Variants in FAAH observed in about 807,000 individuals in gnomAD.
FAAH encodes fatty acid amide hydrolase.
In FAAH, 63 loss-of-function variants were observed where a neutral mutation model predicts 69.7. The ratio of observed to expected loss-of-function variants is 0.90; its 90% CI spans 0.74 to 1.12. The LOEUF is 1.12. Ranked by LOEUF, FAAH falls within the 50% of genes most tolerant of loss-of-function variation. The pLI, the probability that FAAH is intolerant of heterozygous loss-of-function variation, is 0.00. For synonymous variants in FAAH, 305 were observed against 324.2 expected (o/e 0.94, Z 0.64); for missense variants, 680 against 755.0 (o/e 0.90, Z 1.16).
Position 46,413,040 on chromosome 1 carries a change from C to T in FAAH, c.1466-35C>T, listed in dbSNP as rs181231925. On this transcript the variant is annotated intron_variant, in intron 13 of 14. Coordinates refer to ENST00000243167, the MANE Select transcript of FAAH (RefSeq NM_001441.3). Reference sequence around the variant, plus strand: ...GCCCGGAGTTGGCACTGAAGATTCTCAGGGCCTGCTGCAGCTGCCTGTAAT... The same window carrying T: ...GCCCGGAGTTGGCACTGAAGATTCTTAGGGCCTGCTGCAGCTGCCTGTAAT... The T allele has an allele frequency of 3.2e-3, 5,229 of 1,613,432 alleles. 11 individuals carry two copies. The highest frequency in any genetic ancestry group is 3.8e-3 in the Non-Finnish European group (4,426 of 1,179,686).
At chr1:46,407,309 T>C (rs1664817634) in intron 7 of FAAH, among the ~76,000 whole-genome samples, 1 of 152,040 alleles carries the variant, frequency 6.6e-6, no homozygotes, top group Non-Finnish European at 1.5e-5. Context: ...ACATGGGGGT[T>C]GGTTAAGATT....
intron 8 of FAAH, among the ~76,000 whole-genome samples, 169 bp from the exon 9 acceptor site, chr1:46,408,932 G>T (rs139512550): frequency 6.6e-6 from 1 of 152,296 alleles, no homozygotes; most frequent in Non-Finnish European, 1.5e-5. Flanking sequence ...CTCATGCTGT[G>T]CATTCCACAG....
rs1001751296 is a variant in FAAH, at chr1:46,413,682, G to A, written c.*107G>A. ...AAGGAAATGTCCTGCATGGGGCAGA[G>A]GCTTCCGTGTCCTCTCCCCCAACCC... On this transcript the variant is annotated 3_prime_UTR_variant, in exon 15 of 15. Transcript: ENST00000243167. The A allele has an allele frequency of 1.5e-5, 23 of 1,531,932 alleles. No individual in the cohort carries two copies. The highest frequency in any genetic ancestry group is 1.9e-4 in the Middle Eastern group (1 of 5,284). The allele number at this position is 1,531,932 out of a possible 1,614,324, so 94.9% of individuals were successfully genotyped here.
chr1:46,397,932 CTTTTT>C (rs1047486835), intron 1 of FAAH, among the ~76,000 whole-genome samples: 1 of 118,038 alleles, frequency 8.5e-6, no homozygotes. Flanking sequence ...GTCTTGAACT[CTTTTT>C]TTTTTTTTTT....
chr1:46,399,411 C>T (rs530515282), intron 1 of FAAH, among the ~76,000 whole-genome samples: 1 of 152,380 alleles, frequency 6.6e-6, no homozygotes, highest in Admixed American at 6.5e-5. Flanking sequence ...GAAAATGTCT[C>T]AGCTGCCTGA....
chr1:46,405,239 G>T lies in FAAH; in HGVS notation c.444+91G>T. The T allele has an allele frequency of 6.2e-7, 1 of 1,611,606 alleles. No homozygotes were observed. Among genetic ancestry groups the T allele is most frequent in the South Asian group, 1.1e-5 (1 of 90,904 alleles). On this transcript the variant is annotated intron_variant, in intron 3 of 14. Coordinates refer to ENST00000243167, the MANE Select transcript of FAAH (RefSeq NM_001441.3). This position sits in a 1 kb window ranked among gnomAD's most constrained non-coding sequence, Gnocchi z 4.1. ...TGGGTCATTTTGGGCCCTTAGAGGA[G>T]GTATCAGGTCCAGAGGCCTTCCGAG...
intron 6 of FAAH, 71 bp from the exon 7 acceptor site, chr1:46,406,173 C>A: frequency 6.2e-7 from 1 of 1,613,612 alleles, no homozygotes; most frequent in Non-Finnish European, 8.5e-7. Flanking sequence ...CAGTGTCTGG[C>A]CCCCAGGCTG....
At position 46,411,000 on chromosome 1, in the gene FAAH, T is replaced by G; in HGVS notation, c.1316+146T>G. The G allele has an allele frequency of 2.2e-6, 2 of 917,742 alleles. No individual in the cohort carries two copies. Among genetic ancestry groups the G allele is most frequent in the Non-Finnish European group, 3.5e-6 (2 of 566,318 alleles). The allele number at this position is 917,742 out of a possible 1,614,324, so 56.8% of individuals were successfully genotyped here. ...GGCAGGGGGGCAACCTTTGTGGCCT[T>G]CAGATGGGACTTTGAAGTTGTCTTG... On this transcript the variant is annotated intron_variant, in intron 11 of 14. Coordinates refer to ENST00000243167, the MANE Select transcript of FAAH (RefSeq NM_001441.3). This position sits in a 1 kb window ranked among gnomAD's most constrained non-coding sequence, Gnocchi z 4.9.
At chr1:46,412,753 G>C (rs1255442235) in intron 13 of FAAH, among the ~76,000 whole-genome samples, 1 of 152,180 alleles carries the variant, frequency 6.6e-6, no homozygotes, top group Non-Finnish European at 1.5e-5. Flanking sequence ...CAAGGCTGCA[G>C]TGAGTTATGA....
chr1:46,413,707 C>G lies in FAAH; in HGVS notation c.*132C>G. The G allele has an allele frequency of 2.9e-6, 4 of 1,369,510 alleles. No homozygotes were observed. The highest frequency in any genetic ancestry group is 4.1e-6 in the Non-Finnish European group (4 of 985,210). The allele number at this position is 1,369,510 out of a possible 1,614,324, so 84.8% of individuals were successfully genotyped here. ...GGCTTCCGTGTCCTCTCCCCCAACC[C>G]CCTGCAAGAAGCGCCGACTCCCTGA... On this transcript the variant is annotated 3_prime_UTR_variant, in exon 15 of 15. Coordinates refer to ENST00000243167, the MANE Select transcript of FAAH (RefSeq NM_001441.3).
Position 46,410,055 on chromosome 1 carries a change from T to C in FAAH, c.1176-343T>C, listed in dbSNP as rs1378642752. 8.1e-6 allele frequency: 2 copies of C among 247,832 alleles called. No individual in the cohort carries two copies. The highest frequency in any genetic ancestry group is 4.5e-5 in the African/African-American group (2 of 44,210). 15.4% of individuals were successfully genotyped at this position (247,832 alleles called of 1,614,324 possible). On this transcript the variant is annotated intron_variant, in intron 9 of 14. Transcript: ENST00000243167. This position sits in a 1 kb window ranked among gnomAD's most constrained non-coding sequence, Gnocchi z 4.9. ...GCTTCATGGGCAGCCCACCCTCGAT[T>C]TCCCCACCTGTGCCTCCAGGCTGTA...
At position 46,411,992 on chromosome 1, in the gene FAAH, C is replaced by T; in HGVS notation, c.1357-151C>T. The T allele has an allele frequency of 1.4e-6, 1 of 739,776 alleles. No individual in the cohort carries two copies. The allele number at this position is 739,776 out of a possible 1,614,324, so 45.8% of individuals were successfully genotyped here. Reference sequence around the variant, plus strand: ...GATGCCCTCTGAGAGGCAGCACTGCCTGCCCGGAGGACCTGTGTCCCACTG... The same window carrying T: ...GATGCCCTCTGAGAGGCAGCACTGCTTGCCCGGAGGACCTGTGTCCCACTG... On this transcript the variant is annotated intron_variant, in intron 12 of 14. Transcript: ENST00000243167. This position sits in a 1 kb window ranked among gnomAD's most constrained non-coding sequence, Gnocchi z 4.8.
At chr1:46,402,011 G>A (rs376510841) in intron 1 of FAAH, 80 bp from the exon 2 acceptor site, 1 of 1,203,522 alleles carries the variant, frequency 8.3e-7, no homozygotes. Context: ...CAGAGCTGCT[G>A]GGGCATGGGC....
rs760973320 is a variant in FAAH, at chr1:46,413,527, C to A, written c.1692C>A (p.Phe564Leu). ...LPWQEELCLR[F>L]MREVERLMTP... ...GGCAAGAAGAGTTGTGTCTGCGGTT[C>A]ATGCGGGAGGTGGAGCGACTGATGA... The change falls in exon 15 of 15, where the codon TTC becomes TTA. Residue 564 changes from phenylalanine to leucine, a missense_variant. Phe to Leu is a conservative substitution (Grantham distance 22). Transcript: ENST00000243167. 16 of 1,614,096 alleles carry A rather than the reference C, an allele frequency of 9.9e-6. No individual in the cohort carries two copies. The Admixed American group carries it at 2.7e-4, about 27-fold the overall frequency.
Position 46,411,529 on chromosome 1 carries a change from A to C in FAAH, c.1317-83A>C. 1 of 1,457,142 alleles carries C rather than the reference A, an allele frequency of 6.9e-7. No homozygotes were observed. The highest frequency in any genetic ancestry group is 9.6e-7 in the Non-Finnish European group (1 of 1,046,170). The allele number at this position is 1,457,142 out of a possible 1,614,324, so 90.3% of individuals were successfully genotyped here. A position where few individuals can be genotyped will look rare whatever the true frequency, so the allele number is the denominator to read the frequency against. ...AAGGGTCCACGGAGGGGTGAGATCT[A>C]GAGGGTTGGCAGTAGGGGTCTGATG... On this transcript the variant is annotated intron_variant, in intron 11 of 14. Transcript: ENST00000243167. This position sits in a 1 kb window ranked among gnomAD's most constrained non-coding sequence, Gnocchi z 4.8.
chr1:46,407,534 G>A (rs1664821256), intron 7 of FAAH, among the ~76,000 whole-genome samples: 2 of 152,048 alleles, frequency 1.3e-5, no homozygotes, highest in Admixed American at 6.5e-5. Context: ...CCCCTACTGC[G>A]GGGCATCTGA....
chr1:46,412,929 G>A (rs1260605470), intron 13 of FAAH, 146 bp from the exon 14 acceptor site: 3 of 978,038 alleles, frequency 3.1e-6, no homozygotes, highest in South Asian at 1.4e-5. Flanking sequence ...GAATTCCTGG[G>A]CTTTGTCACT....
chr1:46,405,585 C>T lies in FAAH; in HGVS notation c.579-3C>T. The T allele has an allele frequency of 1.2e-6, 2 of 1,613,436 alleles. No individual in the cohort carries two copies. Among genetic ancestry groups the T allele is most frequent in the Non-Finnish European group, 1.7e-6 (2 of 1,180,050 alleles). ...CGGGCTGACCCATTCTTGGCTCCTC[C>T]AGCTATGACTGCAGTAACCCCCTCT... On this transcript the variant is annotated splice_region_variant and splice_polypyrimidine_tract_variant and intron_variant, in intron 4 of 14. Transcript: ENST00000243167. This position sits in a 1 kb window ranked among gnomAD's most constrained non-coding sequence, Gnocchi z 4.1.
At chr1:46,407,093 C>A (rs926271607) in intron 7 of FAAH, among the ~76,000 whole-genome samples, 8 of 151,836 alleles carry the variant, frequency 5.3e-5, no homozygotes, top group Admixed American at 3.3e-4. Context: ...GCCAGACTTG[C>A]TGCTACGTGA....
Sources: allele counts gnomAD v4.1 joint callset (sites outside exome capture counted in the v4.1 genomes callset), GRCh38; gene constraint gnomAD v4.1.1; non-coding constraint Gnocchi (gnomAD v3.1); transcripts MANE v1.5; gene names NCBI Gene and HGNC (gene_info 2026-07-23, HGNC 2026-07-21).